Variants in TNNI3K observed in about 807,000 individuals in gnomAD.
The protein encoded by TNNI3K is TNNI3 interacting kinase, also known as serine/threonine-protein kinase TNNI3K.
A neutral mutation model predicts 114.5 loss-of-function variants in TNNI3K; 140 were observed. The observed-to-expected ratio is 1.22, with a 90% CI of 1.07 to 1.41. The LOEUF is 1.41. Ranked by LOEUF, TNNI3K falls within the 40% of genes most tolerant of loss-of-function variation. TNNI3K has a pLI of 0.00. For synonymous variants in TNNI3K, 347 were observed against 347.5 expected, an observed-to-expected ratio of 1.00 and a Z score of 0.02; for missense variants, 1,125 against 1,007.6, an observed-to-expected ratio of 1.12 and a Z score of -1.58.
intron 21 of TNNI3K, among the ~76,000 whole-genome samples, chr1:74,485,370 C>T (rs997437442): frequency 1.2e-4 from 18 of 152,142 alleles, no homozygotes; most frequent in Non-Finnish European, 2.5e-4. Context: ...CCTACCTGGC[C>T]GGTTAGTCGG....
intron 4 of TNNI3K, among the ~76,000 whole-genome samples, chr1:74,253,455 CA>C (rs1655074385): frequency 6.6e-6 from 1 of 152,130 alleles, no homozygotes; most frequent in African/African-American, 2.4e-5. Flanking sequence ...GAAGCTCAGG[CA>C]TGGCGGGCTG....
chr1:74,248,745 G>A (rs1023947812), intron 2 of TNNI3K, among the ~76,000 whole-genome samples: 3 of 152,058 alleles, frequency 2.0e-5, no homozygotes, highest in African/African-American at 7.2e-5. Context: ...TTTCCCCAGA[G>A]GGTAGCCATA....
chr1:74,490,868 A>G lies in TNNI3K; in HGVS notation c.2182-1229A>G, dbSNP rs45438106. On this transcript the variant is annotated intron_variant, in intron 22 of 24. Transcript: ENST00000326637. Reference sequence around the variant, plus strand: ...TTTTAACAGGAATACATATAAATATAATGTCCTGCAGCAGAGCCAAAGAAA... The same window carrying G: ...TTTTAACAGGAATACATATAAATATGATGTCCTGCAGCAGAGCCAAAGAAA... Among the ~76,000 whole-genome samples, 769 of 152,356 alleles carry G rather than the reference A, an allele frequency of 5.0e-3. 6 individuals are homozygous for G. Among genetic ancestry groups the G allele is most frequent in the African/African-American group, 0.017 (711 of 41,584 alleles).
intron 12 of TNNI3K, among the ~76,000 whole-genome samples, chr1:74,367,602 A>G (rs991402906): frequency 1.3e-5 from 2 of 151,964 alleles, no homozygotes; most frequent in African/African-American, 4.8e-5. Context: ...AGGCTTGTGC[A>G]TGACTAGGAA....
At chr1:74,462,952 G>T (rs1296694499) in intron 20 of TNNI3K, among the ~76,000 whole-genome samples, 1 of 152,140 alleles carries the variant, frequency 6.6e-6, no homozygotes, top group Admixed American at 6.5e-5. Context: ...CAACAACTTT[G>T]TAACCAGTAA....
intron 13 of TNNI3K, 62 bp downstream of exon 13, chr1:74,368,026 T>C (rs1268934329): frequency 2.8e-6 from 4 of 1,441,850 alleles, no homozygotes; most frequent in Non-Finnish European, 3.7e-6. Flanking sequence ...GCTTCAAATG[T>C]AATTTTCAAT....
At chr1:74,347,001 A>C in intron 9 of TNNI3K, among the ~76,000 whole-genome samples, 1 of 143,874 alleles carries the variant, frequency 7.0e-6, no homozygotes, top group African/African-American at 2.9e-5. Flanking sequence ...TTTATTAATT[A>C]TTATTATTAT....
At chr1:74,383,296 A>C (rs962983110) in intron 17 of TNNI3K, among the ~76,000 whole-genome samples, 3 of 151,948 alleles carry the variant, frequency 2.0e-5, no homozygotes, top group Admixed American at 2.0e-4. Context: ...GAGAGGAAAA[A>C]AAATAGTTTT....
intron 11 of TNNI3K, among the ~76,000 whole-genome samples, chr1:74,362,937 C>G (rs1662047168): frequency 6.6e-6 from 1 of 152,122 alleles, no homozygotes. Flanking sequence ...GTGAATAATA[C>G]TCTAAAAGTG....
At chr1:74,352,297 G>A (rs549853176) in intron 9 of TNNI3K, among the ~76,000 whole-genome samples, 5 of 152,262 alleles carry the variant, frequency 3.3e-5, no homozygotes, top group East Asian at 1.9e-4. Context: ...TTGGTGAACC[G>A]CAAATGCTGC....
At chr1:74,248,123 G>A (rs536938892) in intron 2 of TNNI3K, among the ~76,000 whole-genome samples, 21 of 152,248 alleles carry the variant, frequency 1.4e-4, no homozygotes, top group East Asian at 3.9e-4. Flanking sequence ...TGGGGGACCC[G>A]GTGCACCCTC....
At position 74,492,339 on chromosome 1, in the gene TNNI3K, G is replaced by C; in HGVS notation, c.2351+73G>C. ...TCTTATCAAGACAGTCAACTGATTT[G>C]ATTACTATTAACAGGGTTTGATTAC... On this transcript the variant is annotated intron_variant, in intron 23 of 24. Coordinates refer to ENST00000326637, the MANE Select transcript of TNNI3K (RefSeq NM_015978.3). 4.3e-6 allele frequency: 6 copies of C among 1,382,106 alleles called. No homozygotes were observed. The Admixed American group carries it at 1.2e-4, about 27-fold the overall frequency. The allele number at this position is 1,382,106 out of a possible 1,614,324, so 85.6% of individuals were successfully genotyped here.
At chr1:74,506,981 A>G (rs1669937416) in intron 23 of TNNI3K, among the ~76,000 whole-genome samples, 2 of 152,192 alleles carry the variant, frequency 1.3e-5, no homozygotes, top group Admixed American at 6.5e-5. Context: ...ATTCATATTA[A>G]ATAATTTCAT....
chr1:74,358,910 T>C (rs764823644), intron 11 of TNNI3K, among the ~76,000 whole-genome samples: 3 of 152,030 alleles, frequency 2.0e-5, no homozygotes, highest in Admixed American at 6.6e-5. Context: ...CTTACATTCA[T>C]TGAGTATCTT....
At chr1:74,495,005 T>A (rs1669254503) in intron 23 of TNNI3K, among the ~76,000 whole-genome samples, 1 of 152,170 alleles carries the variant, frequency 6.6e-6, no homozygotes, top group Non-Finnish European at 1.5e-5. Flanking sequence ...CCTTCAAGAA[T>A]CTAGAGATGT....
chr1:74,538,963 G>T (rs539300138), intron 23 of TNNI3K, among the ~76,000 whole-genome samples: 3 of 152,214 alleles, frequency 2.0e-5, no homozygotes, highest in African/African-American at 4.8e-5. Context: ...AAATGAACTG[G>T]GAAGCAATTG....
At chr1:74,271,374 G>A (rs925330668) in intron 4 of TNNI3K, among the ~76,000 whole-genome samples, 2 of 151,918 alleles carry the variant, frequency 1.3e-5, no homozygotes, top group African/African-American at 2.4e-5. Context: ...TTGTTCAAGC[G>A]GTAGAGGATT....
rs12062912 is a variant in TNNI3K at position 74,334,659 on chromosome 1, C to A, written c.544-1352C>A. Among the ~76,000 whole-genome samples the A allele has an allele frequency of 1.5e-3, 221 of 152,264 alleles. 1 individual carries two copies. Among genetic ancestry groups the A allele is most frequent in the African/African-American group, 4.9e-3 (203 of 41,542 alleles). ...ACTCCCACATGCTTCATTACTTTAT[C>A]CCTCTCTGACCCTATGGATGTAGAG... On this transcript the variant is annotated intron_variant, in intron 6 of 24. Coordinates refer to ENST00000326637, the MANE Select transcript of TNNI3K (RefSeq NM_015978.3).
chr1:74,342,714 G>T, intron 7 of TNNI3K, 128 bp from the exon 8 acceptor site: 1 of 1,235,606 alleles, frequency 8.1e-7, no homozygotes, highest in Non-Finnish European at 1.1e-6. Flanking sequence ...TTTCCTTTAT[G>T]ATTATCATTA....
Sources: allele counts gnomAD v4.1 joint callset (sites outside exome capture counted in the v4.1 genomes callset), GRCh38; gene constraint gnomAD v4.1.1; transcripts MANE v1.5; gene names NCBI Gene and HGNC (gene_info 2026-07-23, HGNC 2026-07-21).